Variants in PSMC4 observed in about 807,000 individuals in gnomAD.
PSMC4 encodes 26S proteasome regulatory subunit 6B.
In PSMC4, 13 loss-of-function variants were observed where a neutral mutation model predicts 48.4. That is an observed-to-expected ratio of 0.27 (90% confidence interval 0.18 to 0.43). PSMC4 has a LOEUF of 0.43. PSMC4 is among the 20% of genes least tolerant of loss of function. PSMC4 has a pLI of 1.00. For synonymous variants in PSMC4, 202 were observed against 212.3 expected, an observed-to-expected ratio of 0.95 and a Z score of 0.42; for missense variants, 262 against 555.9, an observed-to-expected ratio of 0.47 and a Z score of 5.32.
At position 39,972,437 on chromosome 19, in the gene PSMC4, G is replaced by T; in HGVS notation, c.204G>T (p.Leu68=). 1 of 1,614,124 alleles carries T rather than the reference G, an allele frequency of 6.2e-7. No individual in the cohort carries two copies. The highest frequency in any genetic ancestry group is 8.5e-7 in the Non-Finnish European group (1 of 1,180,026). ...EEYIKDEQKN[L]KKEFLHAQEE... Reference sequence around the variant, plus strand: ...ACATCAAAGATGAGCAAAAGAACCTGAAAAAGGAATTTCTCCATGCCCAGG... The same window carrying T: ...ACATCAAAGATGAGCAAAAGAACCTTAAAAAGGAATTTCTCCATGCCCAGG... The change falls in exon 3 of 11, where the codon CTG becomes CTT. Residue 68 remains leucine (L), a synonymous_variant. Transcript: ENST00000157812.
chr19:39,972,820 A>G lies in PSMC4; in HGVS notation c.322+265A>G, dbSNP rs1971125765. Among the ~76,000 whole-genome samples, 3 of 151,706 alleles carry G rather than the reference A, an allele frequency of 2.0e-5. No individual in the cohort carries two copies. In the South Asian group the frequency reaches 6.2e-4, roughly 32 times the overall value. On this transcript the variant is annotated intron_variant, in intron 3 of 10. Transcript: ENST00000157812. ...GAGTGCAATGGCATGATCTCGGCTC[A>G]CTGCAACCTCCACCTCCCAGGTTCA...
chr19:39,976,846 ATTTTTTT>A (rs1222145410), intron 6 of PSMC4, among the ~76,000 whole-genome samples: 1 of 105,774 alleles, frequency 9.5e-6, no homozygotes, highest in Non-Finnish European at 1.9e-5. Context: ...TTTGTGTGTG[ATTTTTTT>A]TTTTTTTTTT....
At chr19:39,973,715 T>C (rs1201448963) in intron 3 of PSMC4, among the ~76,000 whole-genome samples, 1 of 152,088 alleles carries the variant, frequency 6.6e-6, no homozygotes, top group African/African-American at 2.4e-5. Context: ...TGGCATCTTA[T>C]CTGTTTTTTC....
intron 3 of PSMC4, among the ~76,000 whole-genome samples, chr19:39,973,632 C>T (rs1292985840): frequency 1.3e-5 from 2 of 151,370 alleles, no homozygotes; most frequent in Non-Finnish European, 2.9e-5. Flanking sequence ...GACTCAGAGT[C>T]CTTATCAGAG....
chr19:39,973,573 ACT>A (rs972321183), intron 3 of PSMC4, among the ~76,000 whole-genome samples: 7 of 116,452 alleles, frequency 6.0e-5, no homozygotes, highest in South Asian at 3.3e-4. Context: ...ACAGAGCAAC[ACT>A]CTGTCTAAAA....
rs1971276462 is a variant in PSMC4 at position 39,980,814 on chromosome 19, C to G, written c.1143+97C>G. The G allele has an allele frequency of 3.2e-6, 4 of 1,263,878 alleles. No homozygotes were observed. The highest frequency in any genetic ancestry group is 4.6e-6 in the Non-Finnish European group (4 of 863,748). 78.3% of individuals were successfully genotyped at this position (1,263,878 alleles called of 1,614,324 possible). A position where few individuals can be genotyped will look rare whatever the true frequency, so the allele number is the denominator to read the frequency against. On this transcript the variant is annotated intron_variant, in intron 10 of 10. Transcript: ENST00000157812. This position sits in a 1 kb window ranked among gnomAD's most constrained non-coding sequence, Gnocchi z 4.8. ...GCAGTCCTGTCCCCTCATGGCTGCCCTGGGTCGTGGGCGCCATCTCTCTCT... is the reference window on the plus strand; with the variant it reads ...GCAGTCCTGTCCCCTCATGGCTGCCGTGGGTCGTGGGCGCCATCTCTCTCT...
rs771995511 is a variant in PSMC4, at chr19:39,980,677, A to G, written c.1103A>G (p.Asp368Gly). ...CTCGCTGCAGATGTGGCCCGGCCAG[A>G]TAAGATTTCAGGAGCTGATATTAAC... ...VDLEDYVARP[D>G]KISGADINSI... Residue 368 changes from aspartate (D) to glycine (G), a missense_variant, in exon 10 of 11, where the codon GAT becomes GGT. Physicochemically the swap from Asp to Gly is moderately conservative, Grantham distance 94 (BLOSUM62 -1). Transcript: ENST00000157812. This position sits in a 1 kb window ranked among gnomAD's most constrained non-coding sequence, Gnocchi z 4.8. 1 of 1,614,118 alleles carries G rather than the reference A, an allele frequency of 6.2e-7. No homozygotes were observed. The highest frequency in any genetic ancestry group is 1.7e-5 in the Admixed American group (1 of 60,024).
In PSMC4 at chr19:39,980,980, CCCAAGTA is replaced by C. The variant is rs2144620420; in HGVS notation, c.1144-211_1144-205del. On this transcript the variant is annotated intron_variant, in intron 10 of 10. Transcript: ENST00000157812. This position sits in a 1 kb window ranked among gnomAD's most constrained non-coding sequence, Gnocchi z 4.8. ...TGCAGTGATCCTCCCACCTCAGCCT[CCCAAGTA>C]GCTGGGATTACAGGCGCCCACCACC... Among the ~76,000 whole-genome samples the C allele has an allele frequency of 6.6e-6, 1 of 151,724 alleles. No homozygotes were observed. The highest frequency in any genetic ancestry group is 2.4e-5 in the African/African-American group (1 of 41,070).
In PSMC4 at chr19:39,980,730, T is replaced by C. The variant is rs1376943867; in HGVS notation, c.1143+13T>C. 1.2e-6 allele frequency: 2 copies of C among 1,613,046 alleles called. No individual in the cohort carries two copies. Among genetic ancestry groups the C allele is most frequent in the Non-Finnish European group, 1.7e-6 (2 of 1,179,190 alleles). On this transcript the variant is annotated intron_variant, in intron 10 of 10. Transcript: ENST00000157812. This position sits in a 1 kb window ranked among gnomAD's most constrained non-coding sequence, Gnocchi z 4.8. The stretch of plus-strand genomic sequence containing the variant: ...CATCTGTCAGGAGGTAAGTGGTGGT[T>C]TCTCTCTGGATCCAGGCAGCGGGTG...
chr19:39,977,495 C>T (rs1421007538), intron 6 of PSMC4, among the ~76,000 whole-genome samples: 2 of 151,948 alleles, frequency 1.3e-5, no homozygotes, highest in African/African-American at 4.8e-5. Context: ...AAGCTGCTGA[C>T]TGGGGTTGAG....
chr19:39,972,523 A>G lies in PSMC4; in HGVS notation c.290A>G (p.Asp97Gly). ...LVIGQFLEAVDQNTAIVGSTT... is the reference protein window; with the variant it reads ...LVIGQFLEAVGQNTAIVGSTT... Reference sequence around the variant, plus strand: ...ATCGGACAATTTCTGGAGGCTGTGGATCAGAATACAGCCATCGTGGGCTCT... The same window carrying G: ...ATCGGACAATTTCTGGAGGCTGTGGGTCAGAATACAGCCATCGTGGGCTCT... The change falls in exon 3 of 11, where the codon GAT becomes GGT. Residue 97 changes from aspartate (D) to glycine (G), a missense_variant. Asp to Gly is a moderately conservative substitution (Grantham distance 94). Coordinates refer to ENST00000157812, the MANE Select transcript of PSMC4 (RefSeq NM_006503.4). 1 of 1,614,038 alleles carries G rather than the reference A, an allele frequency of 6.2e-7. No individual in the cohort carries two copies. The highest frequency in any genetic ancestry group is 8.5e-7 in the Non-Finnish European group (1 of 1,180,006).
rs768573885 is a variant in PSMC4, at chr19:39,974,548, C to T, written c.494C>T (p.Ala165Val). 3.1e-5 allele frequency: 50 copies of T among 1,614,002 alleles called. No homozygotes were observed. In the South Asian group the frequency reaches 4.0e-4, roughly 13 times the overall value. The change falls in exon 5 of 11, where the codon GCG becomes GTG. Residue 165 changes from alanine (A) to valine (V), a missense_variant. This residue lies in a region of PSMC4 where 131 missense variants were observed against 276.7 expected (regional missense o/e 0.47). Coordinates refer to ENST00000157812, the MANE Select transcript of PSMC4 (RefSeq NM_006503.4). This position sits in a 1 kb window ranked among gnomAD's most constrained non-coding sequence, Gnocchi z 5.5. ...GACCAGAAGCCAGATGTGATGTACG[C>T]GGACATCGGAGGCATGGACATCCAG... is the stretch of plus-strand genomic sequence containing the variant. ...TSDQKPDVMY[A>V]DIGGMDIQKQ...
Position 39,972,155 on chromosome 19 carries a change from C to T in PSMC4, c.46C>T (p.Pro16Ser). Residue 16 changes from proline (P) to serine (S), a missense_variant, in exon 2 of 11, where the codon CCA becomes TCA. Pro to Ser is a moderately conservative substitution (Grantham distance 74, BLOSUM62 -1). This residue lies in a region of PSMC4 where 33 missense variants were observed against 35.5 expected (regional missense o/e 0.93). Transcript: ENST00000157812. ...ILVEKAQDEI[P>S]ALSVSRPQTG... ...ATCCCCTTTCGTCTAGGATGAGATC[C>T]CAGCACTGTCCGTGTCCCGGCCCCA... 3 of 1,613,932 alleles carry T rather than the reference C, an allele frequency of 1.9e-6. No individual in the cohort carries two copies. Among genetic ancestry groups the T allele is most frequent in the Non-Finnish European group, 2.5e-6 (3 of 1,179,884 alleles).
Position 39,972,413 on chromosome 19 carries a change from C to T in PSMC4, c.180C>T (p.Tyr60=), listed in dbSNP as rs11542839. 5.0e-6 allele frequency: 8 copies of T among 1,614,184 alleles called. No individual in the cohort carries two copies. The highest frequency in any genetic ancestry group is 6.8e-6 in the Non-Finnish European group (8 of 1,180,026). The change falls in exon 3 of 11, where the codon TAC becomes TAT. Residue 60 remains tyrosine (Y), a synonymous_variant. Coordinates refer to ENST00000157812, the MANE Select transcript of PSMC4 (RefSeq NM_006503.4). Reference sequence around the variant, plus strand: ...AGTTCCTGGAGGTGCAGGAGGAATACATCAAAGATGAGCAAAAGAACCTGA... The same window carrying T: ...AGTTCCTGGAGGTGCAGGAGGAATATATCAAAGATGAGCAAAAGAACCTGA... ...ELEFLEVQEE[Y]IKDEQKNLKK... is the part of the protein sequence containing the mutation.
At position 39,972,232 on chromosome 19, in the gene PSMC4, C is replaced by T. The variant is rs748526987; in HGVS notation, c.123C>T (p.Tyr41=). The change falls in exon 2 of 11, where the codon TAC becomes TAT. Residue 41 remains tyrosine, a synonymous_variant. Coordinates refer to ENST00000157812, the MANE Select transcript of PSMC4 (RefSeq NM_006503.4). ...AGCCTGAGGACCTGGAGGACCTGTA[C>T]AGCCGCTACAAGGTACATTCGACCC... ...GPEPEDLEDL[Y]SRYKKLQQEL... 3.1e-6 allele frequency: 5 copies of T among 1,613,810 alleles called. No individual in the cohort carries two copies. The African/African-American group carries it at 4.0e-5, about 13-fold the overall frequency.
chr19:39,980,175 G>A lies in PSMC4; in HGVS notation c.918+29G>A, dbSNP rs750497290. On this transcript the variant is annotated intron_variant, in intron 8 of 10. Coordinates refer to ENST00000157812, the MANE Select transcript of PSMC4 (RefSeq NM_006503.4). The surrounding 1 kb of genome is among the most constrained non-coding windows in gnomAD (Gnocchi z 4.8). ...TGGGGTTTGGGATGGACAAGGGGAG[G>A]TGTGGTGTAGGAACTGGGGAAAGTT... 1.7e-5 allele frequency: 27 copies of A among 1,613,874 alleles called. No individual in the cohort carries two copies. The African/African-American group carries it at 2.5e-4, about 15-fold the overall frequency.
At position 39,980,387 on chromosome 19, in the gene PSMC4, G is replaced by T; in HGVS notation, c.1020G>T (p.Gln340His). 1 of 1,614,128 alleles carries T rather than the reference G, an allele frequency of 6.2e-7. No individual in the cohort carries two copies. Among genetic ancestry groups the T allele is most frequent in the Non-Finnish European group, 8.5e-7 (1 of 1,180,038 alleles). Residue 340 changes from glutamine (Q) to histidine (H), a missense_variant, in exon 9 of 11, where the codon CAG becomes CAT. Gln to His is a conservative substitution (Grantham distance 24). Around this residue, in one of 4 missense-constraint regions of PSMC4, gnomAD observed 84 missense variants for 157.8 expected, o/e 0.53. Transcript: ENST00000157812. The surrounding 1 kb of genome is among the most constrained non-coding windows in gnomAD (Gnocchi z 4.8). ...KIEFPLPDRR[Q>H]KRLIFSTITS... ...AATTTCCACTTCCTGACCGCCGCCAGAAGAGATTGATTTTCTCCACTATCA... is the reference window on the plus strand; with the variant it reads ...AATTTCCACTTCCTGACCGCCGCCATAAGAGATTGATTTTCTCCACTATCA...
In PSMC4 at chr19:39,974,365, C is replaced by T; in HGVS notation, c.394C>T (p.Leu132Phe). ...GCTCAAGCCCAACGCCTCAGTGGCC[C>T]TCCACAAGCACAGCAATGCACTGGT... ...ELLKPNASVA[L>F]HKHSNALVDV... is the part of the protein sequence containing the mutation. The change falls in exon 4 of 11, where the codon CTC becomes TTC. Residue 132 changes from leucine (L) to phenylalanine (F), a missense_variant. Transcript: ENST00000157812. The surrounding 1 kb of genome is among the most constrained non-coding windows in gnomAD (Gnocchi z 5.5). 6.2e-7 allele frequency: 1 copy of T among 1,614,176 alleles called. No homozygotes were observed. The highest frequency in any genetic ancestry group is 8.5e-7 in the Non-Finnish European group (1 of 1,180,048).
chr19:39,979,743 C>G, intron 6 of PSMC4, 74 bp from the exon 7 acceptor site: 1 of 1,392,720 alleles, frequency 7.2e-7, no homozygotes, highest in Non-Finnish European at 9.6e-7. Flanking sequence ...TCAAGGAATT[C>G]GCAGTTTCTG....
Sources: allele counts gnomAD v4.1 joint callset (sites outside exome capture counted in the v4.1 genomes callset), GRCh38; gene constraint gnomAD v4.1.1; regional missense constraint gnomAD v4.1.1; non-coding constraint Gnocchi (gnomAD v3.1); transcripts MANE v1.5; gene names NCBI Gene and HGNC (gene_info 2026-07-23, HGNC 2026-07-21).